The following TRERF1 variants were observed in gnomAD, a reference collection of about 807,000 sequenced individuals.
The protein encoded by TRERF1 is transcriptional regulating factor 1.
TRERF1 carries 27 observed loss-of-function variants against 122.9 expected under a neutral mutation model. The observed-to-expected ratio is 0.22, with a 90% confidence interval of 0.16 to 0.30. The LOEUF is 0.30. Among genes scored for constraint, TRERF1 ranks in the 10% least tolerant of loss-of-function variants. TRERF1 has a pLI of 1.00. For missense variants in TRERF1, 1,248 were observed against 1,560.3 expected (o/e 0.80, Z 3.37); for synonymous variants, 636 against 641.7 (o/e 0.99, Z 0.13).
intron 2 of TRERF1, among the ~76,000 whole-genome samples, chr6:42,440,406 G>A (rs946145914): frequency 1.3e-4 from 20 of 152,104 alleles, no homozygotes; most frequent in African/African-American, 4.8e-4. Context: ...GAAACCCCCC[G>A]AGCCTCAGTT....
intron 2 of TRERF1, among the ~76,000 whole-genome samples, chr6:42,364,335 T>A (rs1427870054): frequency 6.6e-6 from 1 of 152,208 alleles, no homozygotes; most frequent in Non-Finnish European, 1.5e-5. Context: ...GCCCCCTTCC[T>A]AGCCTCCTTC....
rs201822749 is a variant in TRERF1 at position 42,354,387 on chromosome 6, T to C, written c.-371+8610A>G. ...GTCTTTCCCCAGTCTGTTGTTTCCC[T>C]TTTTTTTTTTCACATAAACGCTTCA... On this transcript the variant is annotated intron_variant, in intron 3 of 17. Coordinates refer to ENST00000372922, the Ensembl canonical transcript of TRERF1. Among the ~76,000 whole-genome samples the C allele has an allele frequency of 3.4e-5, 3 of 88,196 alleles. No homozygotes were observed. In the South Asian group the frequency reaches 9.2e-4, roughly 27 times the overall value. The allele number at this position is 88,196 out of a possible 152,430, so 57.9% of individuals were successfully genotyped here.
At chr6:42,418,818 T>C (rs1782312680) in intron 2 of TRERF1, among the ~76,000 whole-genome samples, 1 of 152,202 alleles carries the variant, frequency 6.6e-6, no homozygotes, top group Non-Finnish European at 1.5e-5. Context: ...AAGCCAATAG[T>C]AAATGGAAAC....
At chr6:42,315,646 G>A (rs1486026077) in intron 3 of TRERF1, among the ~76,000 whole-genome samples, 1 of 152,022 alleles carries the variant, frequency 6.6e-6, no homozygotes, top group Non-Finnish European at 1.5e-5. Flanking sequence ...TCTTCTAGCA[G>A]CTGATATCCT....
chr6:42,236,543 G>T, intron 15 of TRERF1, 132 bp from the exon 16 acceptor site: 1 of 1,370,350 alleles, frequency 7.3e-7, no homozygotes, highest in Non-Finnish European at 9.7e-7. Flanking sequence ...TCTGCATAAG[G>T]AATGGTGGAC....
chr6:42,290,017 G>A (rs145051023), intron 4 of TRERF1, among the ~76,000 whole-genome samples: 4 of 152,254 alleles, frequency 2.6e-5, no homozygotes, highest in African/African-American at 7.2e-5. Flanking sequence ...ACCTCAACAG[G>A]AGCTGTCACC....
At chr6:42,287,101 A>T (rs1332316735) in intron 4 of TRERF1, among the ~76,000 whole-genome samples, 1 of 141,080 alleles carries the variant, frequency 7.1e-6, no homozygotes, top group Admixed American at 7.4e-5. Context: ...ATGAGATCAC[A>T]TGGACACAGG....
chr6:42,357,549 G>A (rs765569508), intron 3 of TRERF1, among the ~76,000 whole-genome samples: 9 of 152,144 alleles, frequency 5.9e-5, no homozygotes, highest in Non-Finnish European at 1.2e-4. Context: ...CTTGTTTACA[G>A]GAGACCCATG....
At chr6:42,300,129 T>C (rs940118464) in intron 4 of TRERF1, among the ~76,000 whole-genome samples, 1 of 149,150 alleles carries the variant, frequency 6.7e-6, no homozygotes, top group African/African-American at 2.4e-5. Context: ...GCCAAGTCTT[T>C]GTGGTTCCTA....
At chr6:42,243,430 A>T (rs925070798) in intron 14 of TRERF1, 69 bp from the exon 15 acceptor site, 1 of 1,139,452 alleles carries the variant, frequency 8.8e-7, no homozygotes, top group Non-Finnish European at 1.3e-6. Flanking sequence ...AGCATTTTTG[A>T]ATATTTAATT....
chr6:42,225,996 C>T (rs929032763), exon 18 of TRERF1: 39 of 152,002 alleles, frequency 2.6e-4, no homozygotes, highest in African/African-American at 8.9e-4. Flanking sequence ...GAAGCTAAAA[C>T]ACAACACATA....
rs187496834 is a variant in TRERF1 at position 42,278,272 on chromosome 6, T to G, written c.-258-8424A>C. On this transcript the variant is annotated intron_variant, in intron 4 of 17. Coordinates refer to ENST00000372922, the Ensembl canonical transcript of TRERF1. ...TAGAGACCAATGTGGTCTCCACCTCTCCTTTTATGACACACAGAAGCTAGG... is the reference window on the plus strand; with the variant it reads ...TAGAGACCAATGTGGTCTCCACCTCGCCTTTTATGACACACAGAAGCTAGG... 3.0e-4 allele frequency among the ~76,000 whole-genome samples: 46 copies of G among 152,298 alleles called. No individual in the cohort carries two copies. In the East Asian group the frequency reaches 8.9e-3, roughly 29 times the overall value.
chr6:42,436,812 A>ATAT (rs1472456515), intron 2 of TRERF1, among the ~76,000 whole-genome samples: 1,088 of 97,236 alleles, frequency 0.011, 1 homozygote, highest in South Asian at 0.016. Context: ...AAAAAAAAAA[A>ATAT]AAATATATAT....
At chr6:42,319,486 C>T (rs79460866) in intron 3 of TRERF1, among the ~76,000 whole-genome samples, 3,069 of 152,274 alleles carry the variant, frequency 0.02, 104 homozygotes, top group African/African-American at 0.068. Flanking sequence ...ATTACAGCAG[C>T]TAATGTTGCC....
rs1780943683 is a variant in TRERF1, at chr6:42,275,172, T to C, written c.-258-5324A>G. Among the ~76,000 whole-genome samples, 1 of 152,264 alleles carries C rather than the reference T, an allele frequency of 6.6e-6. No individual in the cohort carries two copies. Among genetic ancestry groups the C allele is most frequent in the African/African-American group, 2.4e-5 (1 of 41,470 alleles). Reference sequence around the variant, plus strand: ...AAAACTGTTCTTCTTAGTGGATTAGTCAATCTCACAGAATTCTTATAATAC... The same window carrying C: ...AAAACTGTTCTTCTTAGTGGATTAGCCAATCTCACAGAATTCTTATAATAC... On this transcript the variant is annotated intron_variant, in intron 4 of 17. Coordinates refer to ENST00000372922, the Ensembl canonical transcript of TRERF1. The surrounding 1 kb of genome is among the most constrained non-coding windows in gnomAD (Gnocchi z 4.1).
chr6:42,309,932 G>A (rs1192785162), intron 3 of TRERF1, among the ~76,000 whole-genome samples: 1 of 151,020 alleles, frequency 6.6e-6, no homozygotes, highest in East Asian at 2.0e-4. Flanking sequence ...TGCGCCACCA[G>A]GGGTCTCCTT....
At chr6:42,305,346 G>A (rs922138891) in intron 3 of TRERF1, among the ~76,000 whole-genome samples, 2 of 152,146 alleles carry the variant, frequency 1.3e-5, no homozygotes, top group Admixed American at 1.3e-4. Flanking sequence ...AGCAAGGCCA[G>A]AATCTTCCCA....
chr6:42,369,507 A>C (rs1453339632), intron 2 of TRERF1, among the ~76,000 whole-genome samples: 1 of 152,198 alleles, frequency 6.6e-6, no homozygotes, highest in Non-Finnish European at 1.5e-5. Flanking sequence ...AGTCAGACCC[A>C]AAACCAGAAC....
At position 42,291,389 on chromosome 6, in the gene TRERF1, C is replaced by A. The variant is rs138919344; in HGVS notation, c.-259+9249G>T. 8.5e-3 allele frequency among the ~76,000 whole-genome samples: 1,271 copies of A among 150,274 alleles called. 7 individuals are homozygous for A. Among genetic ancestry groups the A allele is most frequent in the African/African-American group, 0.013 (540 of 40,756 alleles). On this transcript the variant is annotated intron_variant, in intron 4 of 17. Transcript: ENST00000372922. ...CTGGCTGTCAGCTCCTAGCAAACTT[C>A]AACGCTCTAGTGTTTAGCCATGAAC...
Sources: allele counts gnomAD v4.1 joint callset (sites outside exome capture counted in the v4.1 genomes callset), GRCh38; gene constraint gnomAD v4.1.1; non-coding constraint Gnocchi (gnomAD v3.1); transcripts MANE v1.5; gene names NCBI Gene and HGNC (gene_info 2026-07-23, HGNC 2026-07-21).